PLAGL1: variants seen among roughly 807,000 people sequenced by gnomAD.
PLAGL1 encodes the protein zinc finger protein PLAGL1.
In PLAGL1, 1 loss-of-function variant was observed where a neutral mutation model predicts 4.6. The ratio of observed to expected loss-of-function variants is 0.22; its 90% CI spans 0.08 to 1.03. The LOEUF is 1.03. PLAGL1 is among the 50% of genes least tolerant of loss of function. The probability of loss-of-function intolerance (pLI) is 0.58; values close to 1 mark genes in which losing one functional copy is unlikely to be tolerated. For missense variants in PLAGL1, 464 were observed against 570.4 expected (o/e 0.81, Z 1.90); for synonymous variants, 240 against 237.8 (o/e 1.01, Z -0.08).
rs149805240 is a variant in PLAGL1, at chr6:143,994,988, A to G, written c.-583-9814T>C. Among the ~76,000 whole-genome samples the G allele has an allele frequency of 3.2e-4, 49 of 152,292 alleles. No homozygotes were observed. In the East Asian group the frequency reaches 9.1e-3, roughly 28 times the overall value. On this transcript the variant is annotated intron_variant, in intron 1 of 7. Coordinates refer to ENST00000674357, the MANE Select transcript of PLAGL1 (RefSeq NM_001317162.2). The surrounding 1 kb of genome is among the most constrained non-coding windows in gnomAD (Gnocchi z 4.3). The stretch of plus-strand genomic sequence containing the variant: ...ATCTAATGGGAACAATTAAGAGACA[A>G]TAAGATAGAACCATCACAAAGAGCA...
intron 1 of PLAGL1, among the ~76,000 whole-genome samples, chr6:144,033,061 T>C (rs1291677721): frequency 6.6e-6 from 1 of 152,174 alleles, no homozygotes; most frequent in Non-Finnish European, 1.5e-5. Flanking sequence ...AGAGCCCAAG[T>C]TTCTAGAAGA....
At position 143,973,058 on chromosome 6, in the gene PLAGL1, C is replaced by T. The variant is rs1482072321; in HGVS notation, c.-543-4080G>A. Among the ~76,000 whole-genome samples the T allele has an allele frequency of 2.0e-5, 3 of 152,190 alleles. No individual in the cohort carries two copies. The East Asian group carries it at 5.8e-4, about 29-fold the overall frequency. ...GTGTTAAATTGAGGTCTAATTTTCCCTGTGCCTGGTTTTCACAAGAAGGTC... is the reference window on the plus strand; with the variant it reads ...GTGTTAAATTGAGGTCTAATTTTCCTTGTGCCTGGTTTTCACAAGAAGGTC... On this transcript the variant is annotated intron_variant, in intron 2 of 7. Coordinates refer to ENST00000674357, the MANE Select transcript of PLAGL1 (RefSeq NM_001317162.2). This position sits in a 1 kb window ranked among gnomAD's most constrained non-coding sequence, Gnocchi z 6.2.
In PLAGL1 at chr6:143,975,214, T is replaced by C. The variant is rs1009357956; in HGVS notation, c.-543-6236A>G. On this transcript the variant is annotated intron_variant, in intron 2 of 7. Transcript: ENST00000674357. This position sits in a 1 kb window ranked among gnomAD's most constrained non-coding sequence, Gnocchi z 5.8. ...CTGGGGATATAATCATTCACTGGAGTTCTCTCACCAAGGTTATATTAAATA... is the reference window on the plus strand; with the variant it reads ...CTGGGGATATAATCATTCACTGGAGCTCTCTCACCAAGGTTATATTAAATA... Among the ~76,000 whole-genome samples the C allele has an allele frequency of 2.0e-5, 3 of 152,164 alleles. No individual in the cohort carries two copies. Among genetic ancestry groups the C allele is most frequent in the Admixed American group, 6.5e-5 (1 of 15,278 alleles).
At position 144,006,915 on chromosome 6, in the gene PLAGL1, C is replaced by A. The variant is rs1313545963; in HGVS notation, c.-584+1175G>T. 6.6e-6 allele frequency: 1 copy of A among 152,124 alleles called. No individual in the cohort carries two copies. The highest frequency in any genetic ancestry group is 1.5e-5 in the Non-Finnish European group (1 of 68,020). 9.4% of individuals were successfully genotyped at this position (152,124 alleles called of 1,614,324 possible). A position where few individuals can be genotyped will look rare whatever the true frequency, so the allele number is the denominator to read the frequency against. ...TTCATAAAGCGAACACCCCTATGAC[C>A]TGAGAGACACTGATGTTCTATTCTC... On this transcript the variant is annotated intron_variant, in intron 1 of 7. Coordinates refer to ENST00000674357, the MANE Select transcript of PLAGL1 (RefSeq NM_001317162.2). The surrounding 1 kb of genome is among the most constrained non-coding windows in gnomAD (Gnocchi z 4.3).
chr6:143,942,425 T>C lies in PLAGL1; in HGVS notation c.391A>G (p.Ser131Gly), dbSNP rs151100437. 1.9e-6 allele frequency: 3 copies of C among 1,613,986 alleles called. No individual in the cohort carries two copies. The highest frequency in any genetic ancestry group is 2.5e-6 in the Non-Finnish European group (3 of 1,179,990). ...TCGVCALELG[S>G]TEVLLDHLKA... ...AGGTGGTCCAGTAGCACCTCGGTGC[T>C]CCCTAGCTCCAGGGCACAGACCCCA... The change falls in exon 8 of 8, where the codon AGC (serine) becomes GGC (glycine). Residue 131 changes from serine (S) to glycine (G), a missense_variant. By Grantham distance (56) the Ser-to-Gly change is moderately conservative (BLOSUM62 0). Transcript: ENST00000674357. This position sits in a 1 kb window ranked among gnomAD's most constrained non-coding sequence, Gnocchi z 7.6.
chr6:143,987,640 C>T (rs1237170711), intron 1 of PLAGL1, among the ~76,000 whole-genome samples: 1 of 151,912 alleles, frequency 6.6e-6, no homozygotes, highest in Admixed American at 6.6e-5. Flanking sequence ...CCTGTTTGCC[C>T]TTCTTCACCA....
Position 143,962,316 on chromosome 6 carries a change from A to AG in PLAGL1, c.-398-1775dup, listed in dbSNP as rs1024942465. On this transcript the variant is annotated intron_variant, in intron 5 of 7. Transcript: ENST00000674357. This position sits in a 1 kb window ranked among gnomAD's most constrained non-coding sequence, Gnocchi z 5.3. ...GTCAGAATTTAGATTTCTAAAGCAG[A>AG]GGGAAAAAAGGGTTTTCATACGTCA... Among the ~76,000 whole-genome samples, 1 of 152,242 alleles carries AG rather than the reference A, an allele frequency of 6.6e-6. No homozygotes were observed. The highest frequency in any genetic ancestry group is 2.4e-5 in the African/African-American group (1 of 41,464).
upstream of PLAGL1, among the ~76,000 whole-genome samples, chr6:144,009,346 G>A (rs1203749680): frequency 6.6e-6 from 1 of 152,030 alleles, no homozygotes; most frequent in Non-Finnish European, 1.5e-5. Flanking sequence ...TTTAGTTCTT[G>A]ATGGACTTCC....
chr6:144,055,875 A>G lies in PLAGL1; in HGVS notation c.-151+8593T>C, dbSNP rs1583908496. Among the ~76,000 whole-genome samples the G allele has an allele frequency of 6.6e-6, 1 of 152,218 alleles. No homozygotes were observed. The highest frequency in any genetic ancestry group is 2.4e-5 in the African/African-American group (1 of 41,444). On this transcript the variant is annotated intron_variant, in intron 1 of 3. Transcript: ENST00000437412. The surrounding 1 kb of genome is among the most constrained non-coding windows in gnomAD (Gnocchi z 5.0). The stretch of plus-strand genomic sequence containing the variant: ...TACATTCACACACACAGAGAGATTC[A>G]TGTTCCACCTACATGACAGCCCTGT...
At chr6:144,023,392 T>A (rs1049222241) in intron 1 of PLAGL1, among the ~76,000 whole-genome samples, 1 of 151,798 alleles carries the variant, frequency 6.6e-6, no homozygotes, top group Non-Finnish European at 1.5e-5. Context: ...CATATGCAAA[T>A]CCCAGGATGG....
intron 1 of PLAGL1, among the ~76,000 whole-genome samples, chr6:144,014,382 T>C (rs1279480156): frequency 6.6e-6 from 1 of 151,750 alleles, no homozygotes; most frequent in African/African-American, 2.4e-5. Context: ...TGAGCCAAGA[T>C]TGCACCACTG....
chr6:144,048,803 A>G lies in PLAGL1; in HGVS notation c.-151+15665T>C, dbSNP rs1424353541. On this transcript the variant is annotated intron_variant, in intron 1 of 3. Transcript: ENST00000437412. The surrounding 1 kb of genome is among the most constrained non-coding windows in gnomAD (Gnocchi z 4.8). ...GGCTATTAATATGTGGCTCCTCATT[A>G]CTCATGCAAATTTCTGCAGCTGGCT... Among the ~76,000 whole-genome samples, 1 of 152,164 alleles carries G rather than the reference A, an allele frequency of 6.6e-6. No homozygotes were observed. The highest frequency in any genetic ancestry group is 1.5e-5 in the Non-Finnish European group (1 of 68,028).
chr6:144,000,196 T>C lies in PLAGL1; in HGVS notation c.-584+7894A>G, dbSNP rs756502015. On this transcript the variant is annotated intron_variant, in intron 1 of 7. Transcript: ENST00000674357. This position sits in a 1 kb window ranked among gnomAD's most constrained non-coding sequence, Gnocchi z 4.1. ...CTTCAGTGCTACAAAAGCATTCTTA[T>C]GTAAGTCAGAAGCAAAATAAGAATG... Among the ~76,000 whole-genome samples the C allele has an allele frequency of 7.6e-4, 116 of 152,186 alleles. No individual in the cohort carries two copies. The highest frequency in any genetic ancestry group is 1.4e-3 in the Non-Finnish European group (98 of 67,998).
In PLAGL1 at chr6:143,957,079, CAG is replaced by C. The variant is rs1782312054; in HGVS notation, c.-325+3388_-325+3389del. ...GAACGGAGGAAAAGAAATATTGTTG[CAG>C]ACTCTTGGATCTTTGACAGGCCTCC... On this transcript the variant is annotated intron_variant, in intron 6 of 7. Transcript: ENST00000674357. The surrounding 1 kb of genome is among the most constrained non-coding windows in gnomAD (Gnocchi z 4.2). Among the ~76,000 whole-genome samples the C allele has an allele frequency of 6.6e-6, 1 of 152,258 alleles. No individual in the cohort carries two copies. The highest frequency in any genetic ancestry group is 2.1e-4 in the South Asian group (1 of 4,838).
At position 143,963,256 on chromosome 6, in the gene PLAGL1, A is replaced by T. The variant is rs916789729; in HGVS notation, c.-399+1531T>A. On this transcript the variant is annotated intron_variant, in intron 5 of 7. Coordinates refer to ENST00000674357, the MANE Select transcript of PLAGL1 (RefSeq NM_001317162.2). The surrounding 1 kb of genome is among the most constrained non-coding windows in gnomAD (Gnocchi z 6.1). ...ACTCCTTGAAGTCAGAAGCCTCCCAAATCTCTATCTTCAATCCTGAACTTT... is the reference window on the plus strand; with the variant it reads ...ACTCCTTGAAGTCAGAAGCCTCCCATATCTCTATCTTCAATCCTGAACTTT... 6.6e-6 allele frequency among the ~76,000 whole-genome samples: 1 copy of T among 152,140 alleles called. No homozygotes were observed. Among genetic ancestry groups the T allele is most frequent in the African/African-American group, 2.4e-5 (1 of 41,412 alleles).
chr6:143,962,327 G>C lies in PLAGL1; in HGVS notation c.-398-1785C>G, dbSNP rs1324421318. ...GATTTCTAAAGCAGAGGGAAAAAAG[G>C]GTTTTCATACGTCAATTATTCTTTT... On this transcript the variant is annotated intron_variant, in intron 5 of 7. Transcript: ENST00000674357. The surrounding 1 kb of genome is among the most constrained non-coding windows in gnomAD (Gnocchi z 5.3). Among the ~76,000 whole-genome samples, 1 of 152,080 alleles carries C rather than the reference G, an allele frequency of 6.6e-6. No homozygotes were observed. The highest frequency in any genetic ancestry group is 2.1e-4 in the South Asian group (1 of 4,826).
In PLAGL1 at chr6:143,941,617, T is replaced by G; in HGVS notation, c.1199A>C (p.Asn400Thr). The G allele has an allele frequency of 6.2e-7, 1 of 1,614,078 alleles. No homozygotes were observed. Among genetic ancestry groups the G allele is most frequent in the South Asian group, 1.1e-5 (1 of 91,084 alleles). The change falls in exon 8 of 8, where the codon AAT (asparagine) becomes ACT (threonine). Residue 400 changes from asparagine (N) to threonine (T), a missense_variant. This residue lies in a region of PLAGL1 where 248 missense variants were observed against 250.1 expected (regional missense o/e 0.99). Transcript: ENST00000674357. The surrounding 1 kb of genome is among the most constrained non-coding windows in gnomAD (Gnocchi z 6.0). ...PPPATQNTFGNSTLALGPGES... is the reference protein window; with the variant it reads ...PPPATQNTFGTSTLALGPGES... ...CCCAGGCCCCAGGGCAAGAGTGCTA[T>G]TCCCAAAGGTATTTTGGGTAGCAGG...
At chr6:144,014,713 C>A (rs540469252) in intron 1 of PLAGL1, among the ~76,000 whole-genome samples, 136 of 152,088 alleles carry the variant, frequency 8.9e-4, no homozygotes, top group Non-Finnish European at 1.5e-3. Flanking sequence ...CAGAATAGCT[C>A]GGACTACAGA....
At chr6:144,023,607 C>T (rs1468146176) in intron 1 of PLAGL1, among the ~76,000 whole-genome samples, 1 of 152,094 alleles carries the variant, frequency 6.6e-6, no homozygotes, top group Non-Finnish European at 1.5e-5. Context: ...TCCAAAACCA[C>T]AGTCCATGCA....
Sources: gnomAD v4.1 joint callset for allele counts (sites outside exome capture counted in the v4.1 genomes callset) on GRCh38, gnomAD v4.1.1 for gene constraint, gnomAD v4.1.1 regional missense constraint, Gnocchi (gnomAD v3.1) non-coding constraint, MANE v1.5 for transcripts, NCBI Gene and HGNC (gene_info 2026-07-23, HGNC 2026-07-21) for gene names.